Variants in LRP1B observed in about 807,000 individuals in gnomAD.
The protein encoded by LRP1B is LDL receptor related protein 1B.
In LRP1B, 217 loss-of-function variants were observed where a neutral mutation model predicts 556.6. The observed-to-expected ratio is 0.39, with a 90% CI of 0.35 to 0.44. The LOEUF is 0.44. LRP1B is among the 20% of genes least tolerant of loss of function. The probability of loss-of-function intolerance (pLI) is 1.00; values close to 1 mark genes in which losing one functional copy is unlikely to be tolerated. For synonymous variants in LRP1B, 2,047 were observed against 1,865.8 expected, an observed-to-expected ratio of 1.10 and a Z score of -2.50; for missense variants, 5,053 against 5,620.8, an observed-to-expected ratio of 0.90 and a Z score of 3.23.
chr2:141,844,493 G>T (rs1278290193), intron 1 of LRP1B, among the ~76,000 whole-genome samples: 1 of 151,980 alleles, frequency 6.6e-6, no homozygotes, highest in Non-Finnish European at 1.5e-5. Flanking sequence ...GGCAGTTTTT[G>T]TTTTTTCATT....
At chr2:141,980,965 A>G (rs1421393216) in intron 1 of LRP1B, among the ~76,000 whole-genome samples, 1 of 152,102 alleles carries the variant, frequency 6.6e-6, no homozygotes, top group Non-Finnish European at 1.5e-5. Flanking sequence ...AAAAAATACC[A>G]ATTTATGCAG....
intron 76 of LRP1B, among the ~76,000 whole-genome samples, chr2:140,352,300 C>A (rs1378354586): frequency 6.6e-6 from 1 of 151,986 alleles, no homozygotes; most frequent in African/African-American, 2.4e-5. Context: ...ATCAGCCTCC[C>A]AAGTAGCTGG....
intron 9 of LRP1B, among the ~76,000 whole-genome samples, chr2:141,057,471 T>C (rs1323885706): frequency 6.6e-6 from 1 of 151,850 alleles, no homozygotes; most frequent in Non-Finnish European, 1.5e-5. Context: ...TTTGTCTGTA[T>C]CCCCACCCAA....
intron 1 of LRP1B, among the ~76,000 whole-genome samples, chr2:142,115,569 ATATTATATATGTAATATATATAT>A (rs1707188102): frequency 2.1e-5 from 1 of 47,436 alleles, no homozygotes; most frequent in Non-Finnish European, 4.1e-5. Context: ...TATGTAATAT[ATATTATATATGTAATATATATAT>A]TATATATGTA....
chr2:141,343,346 C>G (rs1322067052), intron 3 of LRP1B, among the ~76,000 whole-genome samples: 2 of 152,120 alleles, frequency 1.3e-5, no homozygotes, highest in African/African-American at 4.8e-5. Flanking sequence ...TTCTAATAGC[C>G]TTGTCTACTA....
At chr2:141,970,819 A>G (rs1701708759) in intron 1 of LRP1B, among the ~76,000 whole-genome samples, 1 of 151,554 alleles carries the variant, frequency 6.6e-6, no homozygotes, top group Admixed American at 6.6e-5. Context: ...GTTAAATCAG[A>G]GCTCTCAACC....
intron 2 of LRP1B, among the ~76,000 whole-genome samples, chr2:141,578,440 GCCCA>G (rs1686839999): frequency 2.0e-5 from 3 of 150,900 alleles, no homozygotes; most frequent in Admixed American, 2.0e-4. Flanking sequence ...ATCAGTCACT[GCCCA>G]CCATCTTTGC....
chr2:140,717,935 C>T (rs1391322185), intron 35 of LRP1B, among the ~76,000 whole-genome samples: 1 of 151,942 alleles, frequency 6.6e-6, no homozygotes, highest in African/African-American at 2.4e-5. Flanking sequence ...GCAGAGATAC[C>T]CTATCCAAAT....
intron 2 of LRP1B, among the ~76,000 whole-genome samples, chr2:141,572,171 C>A (rs1332937302): frequency 6.6e-6 from 1 of 152,112 alleles, no homozygotes; most frequent in Non-Finnish European, 1.5e-5. Flanking sequence ...CTCTTGAGGG[C>A]AGCCAGAGAG....
chr2:142,015,355 T>C (rs1005356083), intron 1 of LRP1B, among the ~76,000 whole-genome samples: 2 of 152,076 alleles, frequency 1.3e-5, no homozygotes, highest in African/African-American at 4.8e-5. Flanking sequence ...TTCTTACATC[T>C]TACACAAAAA....
chr2:141,517,259 T>TACACACACACACACACATAC (rs71281835), intron 2 of LRP1B, among the ~76,000 whole-genome samples: 1 of 141,388 alleles, frequency 7.1e-6, no homozygotes, highest in African/African-American at 2.6e-5. Context: ...AGGACAAGAA[T>TACACACACACACACACATAC]ACGCACACAC....
rs2104874447 is a variant in LRP1B at position 140,495,753 on chromosome 2, G to A, written c.8851-5C>T. On this transcript the variant is annotated splice_polypyrimidine_tract_variant and splice_region_variant and intron_variant, in intron 55 of 90. Coordinates refer to ENST00000389484, the MANE Select transcript of LRP1B (RefSeq NM_018557.3). ...GAATCCAGGCCAGCATTTGCACTGG[G>A]AAAAGAAAAATGAGCATAATCAATT... 2 of 1,596,704 alleles carry A rather than the reference G, an allele frequency of 1.3e-6. No homozygotes were observed. Among genetic ancestry groups the A allele is most frequent in the Non-Finnish European group, 1.7e-6 (2 of 1,166,112 alleles).
At chr2:140,888,750 G>A (rs1326056125) in intron 23 of LRP1B, among the ~76,000 whole-genome samples, 1 of 151,832 alleles carries the variant, frequency 6.6e-6, no homozygotes, top group East Asian at 1.9e-4. Flanking sequence ...GATCACCTGA[G>A]GTCAGGAGTT....
At chr2:141,118,323 T>C (rs1574091356) in intron 7 of LRP1B, among the ~76,000 whole-genome samples, 1 of 151,958 alleles carries the variant, frequency 6.6e-6, no homozygotes, top group Non-Finnish European at 1.5e-5. Flanking sequence ...AAAACTTTGA[T>C]TATCCCTTGT....
intron 3 of LRP1B, among the ~76,000 whole-genome samples, chr2:141,268,089 A>G (rs1177660225): frequency 2.6e-5 from 4 of 152,190 alleles, no homozygotes; most frequent in Non-Finnish European, 4.4e-5. Flanking sequence ...AGGTATCTCT[A>G]TGTTCAACAT....
At chr2:141,429,368 A>G (rs984377115) in intron 3 of LRP1B, among the ~76,000 whole-genome samples, 1 of 152,230 alleles carries the variant, frequency 6.6e-6, no homozygotes, top group Admixed American at 6.5e-5. Flanking sequence ...GTAACTAAAT[A>G]TCAAGTAACT....
chr2:140,486,495 T>A (rs1352061041), intron 58 of LRP1B, among the ~76,000 whole-genome samples: 1 of 151,956 alleles, frequency 6.6e-6, no homozygotes, highest in African/African-American at 2.4e-5. Flanking sequence ...GTATTTTATC[T>A]TTACATAACC....
chr2:142,040,250 C>T (rs1704018781), intron 1 of LRP1B, among the ~76,000 whole-genome samples: 1 of 151,282 alleles, frequency 6.6e-6, no homozygotes, highest in African/African-American at 2.4e-5. Flanking sequence ...TAATACTATG[C>T]TTAAAATACT....
intron 7 of LRP1B, among the ~76,000 whole-genome samples, chr2:141,121,740 GA>G (rs1491393044): frequency 2.6e-5 from 4 of 151,682 alleles, no homozygotes; most frequent in African/African-American, 7.2e-5. Flanking sequence ...ACAGAATTGG[GA>G]AAAAAACTAC....
Sources: gnomAD v4.1 joint callset for allele counts (sites outside exome capture counted in the v4.1 genomes callset) on GRCh38, gnomAD v4.1.1 for gene constraint, MANE v1.5 for transcripts, NCBI Gene and HGNC (gene_info 2026-07-23, HGNC 2026-07-21) for gene names.